CPNE4: variants seen among roughly 807,000 people sequenced by gnomAD.
CPNE4 encodes copine 4.
CPNE4 carries 25 observed loss-of-function variants against 67.9 expected under a neutral mutation model. The ratio of observed to expected loss-of-function variants is 0.37; its 90% CI spans 0.27 to 0.51. The LOEUF is 0.51. Among genes scored for constraint, CPNE4 ranks in the 20% least tolerant of loss-of-function variants. CPNE4 has a pLI of 0.93. For synonymous variants in CPNE4, 242 were observed against 244.9 expected (o/e 0.99, Z 0.11); for missense variants, 464 against 690.8 (o/e 0.67, Z 3.68).
chr3:131,674,750 T>G (rs1319592458), intron 6 of CPNE4, among the ~76,000 whole-genome samples: 1 of 151,894 alleles, frequency 6.6e-6, no homozygotes, highest in Non-Finnish European at 1.5e-5. Context: ...CTTTATCTTT[T>G]CAAAAAACTA....
At chr3:131,749,150 C>G (rs2082562032) in intron 2 of CPNE4, among the ~76,000 whole-genome samples, 1 of 152,106 alleles carries the variant, frequency 6.6e-6, no homozygotes, top group Admixed American at 6.5e-5. Flanking sequence ...TTTTCATTCA[C>G]TTCAATGTAT....
intron 3 of CPNE4, among the ~76,000 whole-genome samples, chr3:131,702,401 C>CA (rs1284056171): frequency 6.6e-6 from 1 of 152,144 alleles, no homozygotes; most frequent in Non-Finnish European, 1.5e-5. Flanking sequence ...AGTTTCTCTG[C>CA]ACGTTTTTTC....
chr3:131,843,542 T>A (rs1300149849), intron 2 of CPNE4, among the ~76,000 whole-genome samples: 1 of 152,252 alleles, frequency 6.6e-6, no homozygotes, highest in Non-Finnish European at 1.5e-5. Flanking sequence ...AAGTAACGTG[T>A]GTTGACAGTG....
chr3:131,548,376 C>T (rs1386598761), intron 14 of CPNE4, among the ~76,000 whole-genome samples: 3 of 151,680 alleles, frequency 2.0e-5, no homozygotes, highest in African/African-American at 7.3e-5. Context: ...GTAGAGCTTC[C>T]ATATGAAAGT....
intron 2 of CPNE4, among the ~76,000 whole-genome samples, chr3:131,771,014 T>G (rs1052470003): frequency 1.3e-5 from 2 of 152,196 alleles, no homozygotes; most frequent in African/African-American, 4.8e-5. Context: ...CAGTGTCTGA[T>G]GACCATGATA....
intron 7 of CPNE4, among the ~76,000 whole-genome samples, chr3:131,600,674 G>C (rs1215855532): frequency 1.3e-5 from 2 of 152,140 alleles, no homozygotes; most frequent in Non-Finnish European, 2.9e-5. Flanking sequence ...CATAACATCT[G>C]TGTGGAGTGC....
chr3:131,758,753 G>A (rs1433461954), intron 2 of CPNE4, among the ~76,000 whole-genome samples: 1 of 152,108 alleles, frequency 6.6e-6, no homozygotes, highest in Non-Finnish European at 1.5e-5. Context: ...GACCCAGGGG[G>A]AGGCAATTGA....
At chr3:131,542,861 C>G in intron 14 of CPNE4, 68 bp from the exon 15 acceptor site, 2 of 1,107,288 alleles carry the variant, frequency 1.8e-6, no homozygotes, top group Non-Finnish European at 2.7e-6. Flanking sequence ...CAATACAATA[C>G]CAGTTAGACA....
chr3:131,982,464 C>T (rs1174860863), intron 1 of CPNE4, among the ~76,000 whole-genome samples: 1 of 152,188 alleles, frequency 6.6e-6, no homozygotes, highest in East Asian at 1.9e-4. Flanking sequence ...GACTGAGAAA[C>T]TGAAGCCATA....
chr3:131,979,526 G>C (rs1300032878), intron 1 of CPNE4, among the ~76,000 whole-genome samples: 1 of 152,086 alleles, frequency 6.6e-6, no homozygotes, highest in Non-Finnish European at 1.5e-5. Flanking sequence ...GTGTCCATTT[G>C]CATGAAATGC....
At chr3:131,849,909 A>G (rs1448459167) in intron 2 of CPNE4, among the ~76,000 whole-genome samples, 2 of 152,140 alleles carry the variant, frequency 1.3e-5, no homozygotes, top group Non-Finnish European at 2.9e-5. Context: ...GTTCCACAAC[A>G]TCATTGTAGC....
At chr3:131,739,708 A>C (rs2082315342) in intron 2 of CPNE4, among the ~76,000 whole-genome samples, 1 of 152,244 alleles carries the variant, frequency 6.6e-6, no homozygotes, top group African/African-American at 2.4e-5. Flanking sequence ...CATCTACTAC[A>C]TGCTATTGTA....
At chr3:131,666,726 T>C (rs1053539001) in intron 7 of CPNE4, among the ~76,000 whole-genome samples, 1 of 152,142 alleles carries the variant, frequency 6.6e-6, no homozygotes, top group Non-Finnish European at 1.5e-5. Context: ...TAAATATGCA[T>C]TTATAGGAAA....
At chr3:131,929,811 G>A (rs1045315962) in intron 1 of CPNE4, among the ~76,000 whole-genome samples, 2 of 152,282 alleles carry the variant, frequency 1.3e-5, no homozygotes, top group East Asian at 3.9e-4. Flanking sequence ...TCCTGGAGAT[G>A]CAAAGCCTTA....
chr3:131,590,367 T>G (rs747815979), intron 7 of CPNE4, among the ~76,000 whole-genome samples: 9 of 152,206 alleles, frequency 5.9e-5, no homozygotes, highest in Non-Finnish European at 1.3e-4. Context: ...GCAGTGGAGC[T>G]CCACGGAAAT....
At chr3:131,783,861 G>C (rs764821691) in intron 2 of CPNE4, among the ~76,000 whole-genome samples, 12 of 136,258 alleles carry the variant, frequency 8.8e-5, no homozygotes, top group Non-Finnish European at 1.3e-4. Context: ...AAGGACAAGA[G>C]AGCTGAGTCC....
At chr3:131,960,108 G>C (rs1345187942) in intron 1 of CPNE4, among the ~76,000 whole-genome samples, 1 of 152,110 alleles carries the variant, frequency 6.6e-6, no homozygotes, top group African/African-American at 2.4e-5. Flanking sequence ...AGAGAGGAAA[G>C]CAGAGAAAGA....
At chr3:131,985,670 G>A (rs998658371) in intron 1 of CPNE4, among the ~76,000 whole-genome samples, 1 of 151,970 alleles carries the variant, frequency 6.6e-6, no homozygotes, top group African/African-American at 2.4e-5. Context: ...AAAATATATT[G>A]GATCACTTCG....
At chr3:132,011,206 G>A (rs1208799127) in intron 1 of CPNE4, among the ~76,000 whole-genome samples, 1 of 152,200 alleles carries the variant, frequency 6.6e-6, no homozygotes, top group East Asian at 1.9e-4. Context: ...CCAGAGCTCA[G>A]GCCCACAGTA....
Sources: gnomAD v4.1 joint callset for allele counts (sites outside exome capture counted in the v4.1 genomes callset) on GRCh38, gnomAD v4.1.1 for gene constraint, MANE v1.5 for transcripts, NCBI Gene and HGNC (gene_info 2026-07-23, HGNC 2026-07-21) for gene names.